Variants in CLMN observed in about 807,000 individuals in gnomAD.
The protein encoded by CLMN is calmin, also known as calmin (calponin-like, transmembrane).
A neutral mutation model predicts 92.7 loss-of-function variants in CLMN; 57 were observed. The ratio of observed to expected loss-of-function variants is 0.61; its 90% CI spans 0.50 to 0.77. The LOEUF (loss-of-function observed/expected upper bound fraction) is 0.77, where lower values mean the gene tolerates loss of function less well. Among genes scored for constraint, CLMN ranks in the 30% least tolerant of loss-of-function variants. The pLI is 0.00. For missense variants in CLMN, 1,158 were observed against 1,237.5 expected, an observed-to-expected ratio of 0.94 and a Z score of 0.96; for synonymous variants, 466 against 470.6, an observed-to-expected ratio of 0.99 and a Z score of 0.13.
In CLMN at chr14:95,196,500, G is replaced by A; in HGVS notation, c.2706C>T (p.Ser902=). ...GTGAAAAGAGATGAATAAAATACCT[G>A]GAAGGAATGCTGTAGTCGCTACTGT... ...EEDSSDYSIP[S]RTSHSDSSIY... The change falls in exon 10 of 13, where the codon TCC becomes TCT. Residue 902 remains serine (S), a splice_region_variant and synonymous_variant. Coordinates refer to ENST00000298912, the MANE Select transcript of CLMN (RefSeq NM_024734.4). 1 of 1,606,932 alleles carries A rather than the reference G, an allele frequency of 6.2e-7. No individual in the cohort carries two copies. Among genetic ancestry groups the A allele is most frequent in the Non-Finnish European group, 8.5e-7 (1 of 1,177,876 alleles).
chr14:95,247,769 A>T (rs78386253), intron 1 of CLMN, among the ~76,000 whole-genome samples: 13,301 of 152,058 alleles, frequency 0.087, 804 homozygotes, highest in African/African-American at 0.17. Flanking sequence ...ATGATTCTGG[A>T]CTCCAACTGA....
chr14:95,238,813 A>T (rs1472993597), intron 1 of CLMN, among the ~76,000 whole-genome samples: 1 of 152,160 alleles, frequency 6.6e-6, no homozygotes, highest in Non-Finnish European at 1.5e-5. Context: ...CAATTCTCTC[A>T]CAGGTCCCAG....
In CLMN at chr14:95,204,046, C is replaced by G; in HGVS notation, c.1303G>C (p.Asp435His). 6.2e-7 allele frequency: 1 copy of G among 1,614,228 alleles called. No homozygotes were observed. Among genetic ancestry groups the G allele is most frequent in the Non-Finnish European group, 8.5e-7 (1 of 1,180,054 alleles). The change falls in exon 9 of 13, where the codon GAT becomes CAT. Residue 435 changes from aspartate to histidine, a missense_variant. Transcript: ENST00000298912. ...TVHFEADTYK[D>H]PFCSKNLSLC... ...GACAGGTTCTTACTGCAGAAAGGAT[C>G]CTTGTAGGTGTCAGCCTCAAAGTGA...
At chr14:95,245,692 G>GTGGATGGATGGA (rs1190138572) in intron 1 of CLMN, among the ~76,000 whole-genome samples, 1 of 70,946 alleles carries the variant, frequency 1.4e-5, no homozygotes. Context: ...GGGTGGGTGG[G>GTGGATGGATGGA]TGGATGGATG....
intron 3 of CLMN, among the ~76,000 whole-genome samples, 153 bp from the exon 4 acceptor site, chr14:95,221,927 A>G (rs1897555679): frequency 6.6e-6 from 1 of 152,182 alleles, no homozygotes; most frequent in African/African-American, 2.4e-5. Context: ...AATGCATCCA[A>G]ACCCACACAG....
At chr14:95,242,669 G>GT (rs1898299622) in intron 1 of CLMN, among the ~76,000 whole-genome samples, 2 of 151,880 alleles carry the variant, frequency 1.3e-5, no homozygotes, top group Admixed American at 6.6e-5. Context: ...CACAGTTCAA[G>GT]TGATTCTCCT....
intron 1 of CLMN, among the ~76,000 whole-genome samples, chr14:95,268,931 G>T (rs8007340): frequency 0.11 from 16,096 of 150,468 alleles, 992 homozygotes; most frequent in African/African-American, 0.17. Flanking sequence ...AGCCTCCCGA[G>T]TAGCTGGGAC....
rs1595540591 is a variant in CLMN at position 95,184,676 on chromosome 14, T to C, written c.*6888A>G. 1 of 152,346 alleles carries C rather than the reference T, an allele frequency of 6.6e-6. No homozygotes were observed. Among genetic ancestry groups the C allele is most frequent in the Non-Finnish European group, 1.5e-5 (1 of 68,064 alleles). The allele number at this position is 152,346 out of a possible 1,614,324, so 9.4% of individuals were successfully genotyped here. A position where few individuals can be genotyped will look rare whatever the true frequency, so the allele number is the denominator to read the frequency against. Reference sequence around the variant, plus strand: ...CTCAGCTCAGAAACTCTGATAACTTTTGTGGGCTCTTGGGGAACCAGCAGC... The same window carrying C: ...CTCAGCTCAGAAACTCTGATAACTTCTGTGGGCTCTTGGGGAACCAGCAGC... On this transcript the variant is annotated 3_prime_UTR_variant, in exon 13 of 13. Transcript: ENST00000298912.
Position 95,203,675 on chromosome 14 carries a change from G to A in CLMN, c.1674C>T (p.Ala558=), listed in dbSNP as rs1896956497. ...TAAATTTTGAGGCTTTTAATGGGAT[G>A]GCTTCAAAATAGTCTCCCTCCTCTA... ...EALEEGDYFE[A]IPLKASKFNS... The change falls in exon 9 of 13, where the codon GCC becomes GCT. Residue 558 remains alanine (A), a synonymous_variant. Coordinates refer to ENST00000298912, the MANE Select transcript of CLMN (RefSeq NM_024734.4). 6.2e-7 allele frequency: 1 copy of A among 1,614,108 alleles called. No individual in the cohort carries two copies. The highest frequency in any genetic ancestry group is 2.2e-5 in the East Asian group (1 of 44,884).
Position 95,210,874 on chromosome 14 carries a change from C to T in CLMN, c.614G>A (p.Gly205Asp). 1 of 1,505,076 alleles carries T rather than the reference C, an allele frequency of 6.6e-7. No individual in the cohort carries two copies. The highest frequency in any genetic ancestry group is 8.8e-7 in the Non-Finnish European group (1 of 1,134,334). 93.2% of individuals were successfully genotyped at this position (1,505,076 alleles called of 1,614,324 possible). Residue 205 changes from glycine to aspartate, a missense_variant, in exon 7 of 13, where the codon GGC (glycine) becomes GAC (aspartate). By Grantham distance (94) the Gly-to-Asp change is moderately conservative. Transcript: ENST00000298912. Reference protein sequence around the residue: ...AWVQRKTRKYGVAVQDFAGSW... With the variant: ...AWVQRKTRKYDVAVQDFAGSW... ...GCCCGCAAAGTCCTGCACCGCCACG[C>T]CATACCTGAAGGAAAAACAGCAGCG... is the stretch of plus-strand genomic sequence containing the variant.
At chr14:95,215,308 A>G (rs972001341) in intron 5 of CLMN, among the ~76,000 whole-genome samples, 6 of 152,336 alleles carry the variant, frequency 3.9e-5, no homozygotes, top group East Asian at 3.9e-4. Flanking sequence ...GATTTCAGGA[A>G]AGTAACTCTA....
At chr14:95,251,611 G>A (rs1465336434) in intron 1 of CLMN, among the ~76,000 whole-genome samples, 2 of 152,202 alleles carry the variant, frequency 1.3e-5, no homozygotes, top group Non-Finnish European at 2.9e-5. Flanking sequence ...TTTTGTAGAG[G>A]AGGAAACTGA....
chr14:95,281,466 C>T (rs538237229), intron 1 of CLMN, among the ~76,000 whole-genome samples: 1 of 152,180 alleles, frequency 6.6e-6, no homozygotes, highest in Admixed American at 6.5e-5. Flanking sequence ...AACTATGGTA[C>T]ACCTGTTATT....
rs1450947415 is a variant in CLMN, at chr14:95,204,560, C to T, written c.886-97G>A. On this transcript the variant is annotated intron_variant, in intron 8 of 12. Transcript: ENST00000298912. ...CATGAGTAAGAAGAATATTTAAGTACAACCCATATCCACCTTTCCCAAAAC... is the reference window on the plus strand; with the variant it reads ...CATGAGTAAGAAGAATATTTAAGTATAACCCATATCCACCTTTCCCAAAAC... The T allele has an allele frequency of 4.4e-6, 5 of 1,135,570 alleles. No homozygotes were observed. In the East Asian group the frequency reaches 1.3e-4, roughly 29 times the overall value. The allele number at this position is 1,135,570 out of a possible 1,614,324, so 70.3% of individuals were successfully genotyped here.
At position 95,245,225 on chromosome 14, in the gene CLMN, T is replaced by TA. The variant is rs1491192837; in HGVS notation, c.83-15093_83-15092insT. Among the ~76,000 whole-genome samples the TA allele has an allele frequency of 7.0e-4, 17 of 24,342 alleles. 1 individual carries two copies. The highest frequency in any genetic ancestry group is 2.2e-3 in the African/African-American group (8 of 3,696). 16.0% of individuals were successfully genotyped at this position (24,342 alleles called of 152,430 possible). A position where few individuals can be genotyped will look rare whatever the true frequency, so the allele number is the denominator to read the frequency against. ...TATATATATTATATATATATATATA[T>TA]TATATATATATATTATATATATATA... is the stretch of plus-strand genomic sequence containing the variant. On this transcript the variant is annotated intron_variant, in intron 1 of 12. Transcript: ENST00000298912.
intron 1 of CLMN, among the ~76,000 whole-genome samples, chr14:95,275,026 T>C (rs1055614140): frequency 2.0e-5 from 3 of 150,942 alleles, no homozygotes; most frequent in African/African-American, 4.9e-5. Flanking sequence ...AAATATTTAC[T>C]GACCCTTACT....
intron 1 of CLMN, among the ~76,000 whole-genome samples, chr14:95,306,570 G>A (rs1167215187): frequency 6.6e-6 from 1 of 152,096 alleles, no homozygotes; most frequent in African/African-American, 2.4e-5. Flanking sequence ...CACTTTACCT[G>A]ATGCACCCAA....
At chr14:95,222,115 T>C (rs1270786885) in intron 3 of CLMN, among the ~76,000 whole-genome samples, 2 of 152,156 alleles carry the variant, frequency 1.3e-5, no homozygotes, top group African/African-American at 4.8e-5. Flanking sequence ...GTTAGATTCC[T>C]CCCTTCTCCT....
intron 4 of CLMN, among the ~76,000 whole-genome samples, chr14:95,217,554 A>G (rs1897390061): frequency 2.0e-5 from 3 of 152,142 alleles, no homozygotes; most frequent in African/African-American, 7.2e-5. Context: ...GTTCAGTACT[A>G]TCTCCGCATT....
Sources: gnomAD v4.1 joint callset for allele counts (sites outside exome capture counted in the v4.1 genomes callset) on GRCh38, gnomAD v4.1.1 for gene constraint, MANE v1.5 for transcripts, NCBI Gene and HGNC (gene_info 2026-07-23, HGNC 2026-07-21) for gene names.